Variants in BICRA observed in about 807,000 individuals in gnomAD.
BICRA encodes BRD4 interacting chromatin remodeling complex associated protein.
BICRA carries 31 observed loss-of-function variants against 96.9 expected under a neutral mutation model. The observed-to-expected ratio is 0.32, with a 90% CI of 0.24 to 0.43. The LOEUF (loss-of-function observed/expected upper bound fraction) is 0.43, where lower values mean the gene tolerates loss of function less well. Ranked by LOEUF, BICRA falls within the 20% of genes least tolerant of loss-of-function variation. The pLI, the probability that BICRA is intolerant of heterozygous loss-of-function variation, is 1.00. For synonymous variants in BICRA, 1,350 were observed against 1,071.8 expected, an observed-to-expected ratio of 1.26 and a Z score of -5.07; for missense variants, 2,283 against 2,190.3, an observed-to-expected ratio of 1.04 and a Z score of -0.84.
chr19:47,649,735 A>C (rs529487866), intron 1 of BICRA, among the ~76,000 whole-genome samples: 2 of 152,184 alleles, frequency 1.3e-5, no homozygotes, highest in African/African-American at 4.8e-5. Context: ...GTAGGGATCA[A>C]AAGTAAAAAG....
At chr19:47,635,187 A>G (rs1049388390) in intron 1 of BICRA, among the ~76,000 whole-genome samples, 2 of 151,978 alleles carry the variant, frequency 1.3e-5, no homozygotes, top group Non-Finnish European at 2.9e-5. Context: ...TTAAGTATAC[A>G]GTTTGGTGGC....
At chr19:47,646,807 C>G (rs1468555558) in intron 1 of BICRA, among the ~76,000 whole-genome samples, 2 of 152,150 alleles carry the variant, frequency 1.3e-5, no homozygotes, top group East Asian at 1.9e-4. Context: ...AGATATAATT[C>G]ACATACCATA....
intron 7 of BICRA, among the ~76,000 whole-genome samples, chr19:47,691,371 T>C (rs913725748): frequency 2.6e-5 from 4 of 152,160 alleles, no homozygotes; most frequent in African/African-American, 9.7e-5. Flanking sequence ...AAGACCAGCA[T>C]ATGGGAGGGG....
At chr19:47,664,818 T>C (rs1172955982) in intron 1 of BICRA, among the ~76,000 whole-genome samples, 2 of 152,314 alleles carry the variant, frequency 1.3e-5, no homozygotes, top group South Asian at 2.1e-4. Context: ...TCAGGGGAAC[T>C]ATGTGATGGC....
rs3074109 is a variant in BICRA, at chr19:47,685,741, C to CTGTGTGTGTGTG, written c.2283+3624_2283+3635dup. ...TGTACCCAGATGGATTTGGCAGCCT[C>CTGTGTGTGTGTG]TGTGTGTGTGTGTGTGTGTGTGTGT... On this transcript the variant is annotated intron_variant, in intron 7 of 14. Transcript: ENST00000594866. 9.0e-3 allele frequency among the ~76,000 whole-genome samples: 1,043 copies of CTGTGTGTGTGTG among 115,416 alleles called. 8 individuals are homozygous for CTGTGTGTGTGTG. The highest frequency in any genetic ancestry group is 0.011 in the Non-Finnish European group (612 of 56,028). The allele number at this position is 115,416 out of a possible 152,430, so 75.7% of individuals were successfully genotyped here. A position where few individuals can be genotyped will look rare whatever the true frequency, so the allele number is the denominator to read the frequency against.
At chr19:47,692,930 C>T (rs1156297967) in intron 7 of BICRA, among the ~76,000 whole-genome samples, 1 of 152,234 alleles carries the variant, frequency 6.6e-6, no homozygotes, top group Non-Finnish European at 1.5e-5. Context: ...TCAGAAGTCA[C>T]TGAGCAGTGT....
rs935719936 is a variant in BICRA, at chr19:47,665,194, C to T, written c.-107-5249C>T. The stretch of plus-strand genomic sequence containing the variant: ...GCCCTTTTGCTGTCCTCAGCACCCC[C>T]CACCAGACACACAGTAGGTGCCTAC... On this transcript the variant is annotated intron_variant, in intron 1 of 14. Coordinates refer to ENST00000594866, the MANE Select transcript of BICRA (RefSeq NM_001394372.1). 2.0e-5 allele frequency among the ~76,000 whole-genome samples: 3 copies of T among 152,204 alleles called. No individual in the cohort carries two copies. In the East Asian group the frequency reaches 5.8e-4, roughly 29 times the overall value.
intron 2 of BICRA, among the ~76,000 whole-genome samples, chr19:47,671,076 A>G (rs1972855405): frequency 6.6e-6 from 1 of 152,164 alleles, no homozygotes; most frequent in African/African-American, 2.4e-5. Flanking sequence ...AACCCTGGAA[A>G]AGTATGTGTC....
chr19:47,684,999 C>G (rs1311976729), intron 7 of BICRA, among the ~76,000 whole-genome samples: 1 of 152,156 alleles, frequency 6.6e-6, no homozygotes, highest in Admixed American at 6.6e-5. Context: ...GAAACAGGGT[C>G]TGGTTCTGTC....
chr19:47,695,550 A>G, intron 10 of BICRA, 76 bp downstream of exon 10: 2 of 712,592 alleles, frequency 2.8e-6, no homozygotes, highest in South Asian at 3.2e-5. Context: ...TGGCAGGGGC[A>G]GGGAGACACT....
At chr19:47,621,637 C>T in intron 1 of BICRA, among the ~76,000 whole-genome samples, 1 of 150,988 alleles carries the variant, frequency 6.6e-6, no homozygotes, top group East Asian at 2.0e-4. Context: ...CCACACCCGG[C>T]TGATTTTTGT....
At chr19:47,645,112 C>A (rs192814452) in intron 1 of BICRA, among the ~76,000 whole-genome samples, 7 of 152,302 alleles carry the variant, frequency 4.6e-5, no homozygotes, top group Admixed American at 3.3e-4. Flanking sequence ...GTTCTACTAA[C>A]GTCCCTCAGA....
At chr19:47,659,747 C>T (rs992607011) in intron 1 of BICRA, among the ~76,000 whole-genome samples, 1 of 147,424 alleles carries the variant, frequency 6.8e-6, no homozygotes, top group Non-Finnish European at 1.5e-5. Flanking sequence ...CTCTTCTCTT[C>T]TCTCTTTCTT....
At chr19:47,643,123 C>T (rs1167275298) in intron 1 of BICRA, among the ~76,000 whole-genome samples, 1 of 152,222 alleles carries the variant, frequency 6.6e-6, no homozygotes. Flanking sequence ...GCGCCCTCCA[C>T]CATGCCCGGC....
At chr19:47,631,717 C>T (rs1023519970) in intron 1 of BICRA, among the ~76,000 whole-genome samples, 31 of 151,950 alleles carry the variant, frequency 2.0e-4, no homozygotes, top group African/African-American at 7.3e-4. Flanking sequence ...GGTATGATCC[C>T]GGCTCATGGC....
intron 7 of BICRA, among the ~76,000 whole-genome samples, chr19:47,692,333 T>C (rs1973253956): frequency 6.6e-6 from 1 of 152,100 alleles, no homozygotes; most frequent in African/African-American, 2.4e-5. Flanking sequence ...TTCAAGCAAT[T>C]CTCCAGCCTC....
chr19:47,686,654 G>A (rs1241132632), intron 7 of BICRA, among the ~76,000 whole-genome samples: 1 of 152,218 alleles, frequency 6.6e-6, no homozygotes, highest in Non-Finnish European at 1.5e-5. Flanking sequence ...AAAGTGCTGA[G>A]ATTACAGGCG....
In BICRA at chr19:47,702,177, T is replaced by G; in HGVS notation, c.4445T>G (p.Val1482Gly). 6.3e-7 allele frequency: 1 copy of G among 1,584,704 alleles called. No homozygotes were observed. Among genetic ancestry groups the G allele is most frequent in the Non-Finnish European group, 8.5e-7 (1 of 1,172,070 alleles). The change falls in exon 15 of 15, where the codon GTG becomes GGG. Residue 1482 changes from valine (V) to glycine (G), a missense_variant. Val to Gly is a moderately radical substitution (Grantham distance 109). Coordinates refer to ENST00000594866, the MANE Select transcript of BICRA (RefSeq NM_001394372.1). ...AKRRKSESPD[V>G]DQASFSSDSP... ...CGGCGCAAGTCCGAGTCGCCCGACG[T>G]GGACCAGGCCAGCTTCTCCAGCGAC...
chr19:47,627,007 C>A (rs1273696901), intron 1 of BICRA, among the ~76,000 whole-genome samples: 2 of 152,080 alleles, frequency 1.3e-5, no homozygotes, highest in African/African-American at 4.8e-5. Context: ...CAGGCGTGAG[C>A]CACCGCGCTT....
Sources: gnomAD v4.1 joint callset for allele counts (sites outside exome capture counted in the v4.1 genomes callset) on GRCh38, gnomAD v4.1.1 for gene constraint, MANE v1.5 for transcripts, NCBI Gene and HGNC (gene_info 2026-07-23, HGNC 2026-07-21) for gene names.